TUBGCP5: variants seen among roughly 807,000 people sequenced by gnomAD.
TUBGCP5 encodes tubulin gamma complex component 5, also known as gamma-tubulin complex component 5.
In TUBGCP5, 98 loss-of-function variants were observed where a neutral mutation model predicts 134.7. The ratio of observed to expected loss-of-function variants is 0.73; its 90% CI spans 0.62 to 0.86. The LOEUF (loss-of-function observed/expected upper bound fraction) is 0.86, where lower values mean the gene tolerates loss of function less well. Among genes scored for constraint, TUBGCP5 ranks in the 40% least tolerant of loss-of-function variants. TUBGCP5 has a pLI of 0.00. For missense variants in TUBGCP5, 1,150 were observed against 1,244.8 expected (o/e 0.92, Z 1.15); for synonymous variants, 456 against 431.4 (o/e 1.06, Z -0.71).
chr15:23,035,925 C>A (rs8029691), intron 3 of TUBGCP5, among the ~76,000 whole-genome samples: 20,305 of 152,130 alleles, frequency 0.13, 1,785 homozygotes, highest in East Asian at 0.46. Flanking sequence ...TAAAATGTGC[C>A]TTTTAAAGGG....
At position 23,019,224 on chromosome 15, in the gene TUBGCP5, G is replaced by T; in HGVS notation, c.1482C>A (p.Ile494=). ...HLWDGAREFI[I]QRNKNVPVNH... is the part of the protein sequence containing the mutation. ...TGTGCTCTGCTGCAGCTCACCTCTG[G>T]ATGATGAACTCCCTGGCGCCATCCC... The change falls in exon 12 of 23, where the codon ATC becomes ATA. Residue 494 remains isoleucine (I), a synonymous_variant. Transcript: ENST00000615383. 6.2e-7 allele frequency: 1 copy of T among 1,612,562 alleles called. No homozygotes were observed. Among genetic ancestry groups the T allele is most frequent in the Non-Finnish European group, 8.5e-7 (1 of 1,178,918 alleles).
In TUBGCP5 at chr15:22,986,147, A is replaced by AAATAAT. The variant is rs1555430354; in HGVS notation, c.*62-2542_*62-2537dup. The stretch of plus-strand genomic sequence containing the variant: ...AGACTCTGTCTCAAAAAAAAAAAAA[A>AAATAAT]AATAATAATAATAATAAAATAAAAA... On this transcript the variant is annotated intron_variant and NMD_transcript_variant, in intron 23 of 23. Coordinates refer to the TUBGCP5 transcript ENST00000614508. 1.6e-3 allele frequency among the ~76,000 whole-genome samples: 209 copies of AAATAAT among 132,696 alleles called. 1 individual carries two copies. Among genetic ancestry groups the AAATAAT allele is most frequent in the Admixed American group, 1.7e-3 (22 of 13,316 alleles). The allele number at this position is 132,696 out of a possible 152,430, so 87.1% of individuals were successfully genotyped here.
intron 7 of TUBGCP5, among the ~76,000 whole-genome samples, chr15:23,026,867 A>G (rs1179331602): frequency 2.6e-5 from 4 of 152,152 alleles, no homozygotes; most frequent in African/African-American, 9.7e-5. Flanking sequence ...CGGGAGGCAG[A>G]TGTTACAGTG....
chr15:23,014,056 C>T (rs1210187192), intron 13 of TUBGCP5, among the ~76,000 whole-genome samples: 1 of 152,196 alleles, frequency 6.6e-6, no homozygotes, highest in Non-Finnish European at 1.5e-5. Context: ...GTCTGGCAGC[C>T]CCAACAGACC....
At position 23,039,092 on chromosome 15, in the gene TUBGCP5, C is replaced by A. The variant is rs188020756; in HGVS notation, c.146+306G>T. Reference sequence around the variant, plus strand: ...CGTTGCCCAAGCTGGCCTGGAGTCCCGCCTGGGCCTCCCAGAGCGCTGGGG... The same window carrying A: ...CGTTGCCCAAGCTGGCCTGGAGTCCAGCCTGGGCCTCCCAGAGCGCTGGGG... On this transcript the variant is annotated intron_variant, in intron 1 of 22. Transcript: ENST00000615383. 8.8e-3 allele frequency among the ~76,000 whole-genome samples: 1,334 copies of A among 152,174 alleles called. 10 individuals are homozygous for A. Among genetic ancestry groups the A allele is most frequent in the Non-Finnish European group, 0.014 (930 of 67,978 alleles).
chr15:23,002,944 G>T, intron 21 of TUBGCP5, 121 bp downstream of exon 21: 1 of 866,986 alleles, frequency 1.2e-6, no homozygotes, highest in South Asian at 1.7e-5. Context: ...TTGAACTCCT[G>T]GGGTCAAGCA....
At position 23,039,521 on chromosome 15, in the gene TUBGCP5, C is replaced by G. The variant is rs1325265394; in HGVS notation, c.23G>C (p.Trp8Ser). Residue 8 changes from tryptophan to serine, a missense_variant, in exon 1 of 23, where the codon TGG becomes TCG. By Grantham distance (177) the Trp-to-Ser change is radical. Coordinates refer to ENST00000615383, the MANE Select transcript of TUBGCP5 (RefSeq NM_052903.6). MARHGPP[W>S]SRLDAQQERD... ...CTCCTGCTGCGCGTCCAACCGACTCCACGGTGGCCCGTGCCGCGCCATGTT... is the reference window on the plus strand; with the variant it reads ...CTCCTGCTGCGCGTCCAACCGACTCGACGGTGGCCCGTGCCGCGCCATGTT... The G allele has an allele frequency of 3.3e-6, 5 of 1,493,394 alleles. No homozygotes were observed. Among genetic ancestry groups the G allele is most frequent in the Non-Finnish European group, 4.5e-6 (5 of 1,111,670 alleles). The allele number at this position is 1,493,394 out of a possible 1,614,324, so 92.5% of individuals were successfully genotyped here. A position where few individuals can be genotyped will look rare whatever the true frequency, so the allele number is the denominator to read the frequency against.
intron 4 of TUBGCP5, 150 bp from the exon 5 acceptor site, chr15:23,032,179 A>T (rs2066347362): frequency 1.7e-6 from 1 of 583,762 alleles, no homozygotes; most frequent in Non-Finnish European, 3.0e-6. Flanking sequence ...TGATATCCTA[A>T]AACATTTTAC....
intron 23 of TUBGCP5, among the ~76,000 whole-genome samples, chr15:22,987,336 CAAAAAA>C (rs34835716): frequency 8.0e-6 from 1 of 125,448 alleles, no homozygotes. Context: ...AACTCCATCT[CAAAAAA>C]AAAAAAAAAG....
At chr15:22,985,977 C>CA (rs1307114699) in intron 23 of TUBGCP5, among the ~76,000 whole-genome samples, 7 of 150,916 alleles carry the variant, frequency 4.6e-5, no homozygotes, top group Non-Finnish European at 1.0e-4. Flanking sequence ...ATCAAAAATA[C>CA]AAAAAAATTA....
intron 8 of TUBGCP5, 97 bp from the exon 9 acceptor site, chr15:23,024,927 T>A: frequency 1.4e-6 from 1 of 703,484 alleles, no homozygotes; most frequent in Middle Eastern, 2.6e-4. Context: ...TGACAGGGAC[T>A]CACTTTGTCA....
intron 6 of TUBGCP5, 114 bp from the exon 7 acceptor site, chr15:23,027,420 A>G (rs1192565124): frequency 5.3e-6 from 4 of 758,896 alleles, no homozygotes; most frequent in Non-Finnish European, 8.9e-6. Context: ...TTTAAAAATA[A>G]CAGCTACCTA....
At position 23,005,072 on chromosome 15, in the gene TUBGCP5, G is replaced by A. The variant is rs146638147; in HGVS notation, c.2712+360C>T. 6.6e-5 allele frequency among the ~76,000 whole-genome samples: 10 copies of A among 152,262 alleles called. No homozygotes were observed. In the East Asian group the frequency reaches 1.5e-3, roughly 23 times the overall value. On this transcript the variant is annotated intron_variant, in intron 19 of 22. Transcript: ENST00000615383. ...TGGCTGCATCTTCCTCCCACACACC[G>A]TAGTGGATTTTGGCTGTTATTAAAC...
At chr15:22,997,150 T>C (rs1011463799), downstream of TUBGCP5, among the ~76,000 whole-genome samples, 2 of 152,114 alleles carry the variant, frequency 1.3e-5, no homozygotes, top group South Asian at 4.1e-4. Flanking sequence ...TAGCAATGTT[T>C]TTTGGTGATG....
chr15:23,035,499 T>C (rs1025107661), intron 3 of TUBGCP5, among the ~76,000 whole-genome samples: 1 of 151,962 alleles, frequency 6.6e-6, no homozygotes. Flanking sequence ...GGCATTAGAT[T>C]GTCATAAGGA....
chr15:23,012,806 C>G (rs1326146116), intron 13 of TUBGCP5, among the ~76,000 whole-genome samples: 1 of 152,168 alleles, frequency 6.6e-6, no homozygotes, highest in Non-Finnish European at 1.5e-5. Flanking sequence ...CGCTGCATTG[C>G]ATTAAGAAAT....
chr15:23,015,539 G>T (rs2065263593), intron 13 of TUBGCP5, among the ~76,000 whole-genome samples: 1 of 152,026 alleles, frequency 6.6e-6, no homozygotes, highest in Non-Finnish European at 1.5e-5. Context: ...CTACTTGAGA[G>T]ACTGAGGCAA....
chr15:23,002,442 G>A (rs1474200099), intron 21 of TUBGCP5, among the ~76,000 whole-genome samples: 4 of 152,192 alleles, frequency 2.6e-5, no homozygotes, highest in East Asian at 3.8e-4. Flanking sequence ...ATATTGAGCT[G>A]TACACTGGAG....
At chr15:22,998,653 C>G (rs1271637840), downstream of TUBGCP5, among the ~76,000 whole-genome samples, 2 of 150,812 alleles carry the variant, frequency 1.3e-5, no homozygotes, top group Non-Finnish European at 3.0e-5. Flanking sequence ...CTTGCTCTGT[C>G]ACCCAGGATG....
Sources: gnomAD v4.1 joint callset for allele counts (sites outside exome capture counted in the v4.1 genomes callset) on GRCh38, gnomAD v4.1.1 for gene constraint, MANE v1.5 for transcripts, NCBI Gene and HGNC (gene_info 2026-07-23, HGNC 2026-07-21) for gene names.